DCC: variants seen among roughly 807,000 people sequenced by gnomAD.
The protein encoded by DCC is DCC netrin 1 receptor, also known as netrin receptor DCC.
Under a neutral mutation model 172.5 loss-of-function variants are expected in DCC, and 58 were observed. The observed-to-expected ratio is 0.34, with a 90% CI of 0.27 to 0.42. The LOEUF (loss-of-function observed/expected upper bound fraction) is 0.42, where lower values mean the gene tolerates loss of function less well. DCC is among the 10% of genes least tolerant of loss of function. The probability of loss-of-function intolerance (pLI) is 1.00; values close to 1 mark genes in which losing one functional copy is unlikely to be tolerated. For synonymous variants in DCC, 709 were observed against 644.5 expected, an observed-to-expected ratio of 1.10 and a Z score of -1.52; for missense variants, 1,740 against 1,791.0, an observed-to-expected ratio of 0.97 and a Z score of 0.51.
At chr18:52,580,835 G>A (rs964510946) in intron 1 of DCC, among the ~76,000 whole-genome samples, 1 of 152,122 alleles carries the variant, frequency 6.6e-6, no homozygotes, top group Admixed American at 6.5e-5. Flanking sequence ...TTCAGATGAG[G>A]ACACTAAGCC....
intron 2 of DCC, among the ~76,000 whole-genome samples, chr18:52,903,878 G>A (rs1055027874): frequency 1.3e-5 from 2 of 152,226 alleles, no homozygotes; most frequent in African/African-American, 2.4e-5. Context: ...GTAGATTAAC[G>A]TACTTCTTTG....
chr18:52,482,223 TACTC>T lies in DCC; in HGVS notation c.91+141349_91+141352del, dbSNP rs1220983709. On this transcript the variant is annotated intron_variant, in intron 1 of 28. Coordinates refer to ENST00000442544, the MANE Select transcript of DCC (RefSeq NM_005215.4). ...TGTATCATAATTTTGATTAGAACAA[TACTC>T]ACTATTTACATTACTATGACTCTTC... Among the ~76,000 whole-genome samples, 3 of 152,176 alleles carry T rather than the reference TACTC, an allele frequency of 2.0e-5. No individual in the cohort carries two copies. In the East Asian group the frequency reaches 5.8e-4, roughly 29 times the overall value.
At chr18:52,830,079 T>A (rs2038586260) in intron 2 of DCC, among the ~76,000 whole-genome samples, 1 of 151,966 alleles carries the variant, frequency 6.6e-6, no homozygotes, top group African/African-American at 2.4e-5. Context: ...GCCAGCTGTG[T>A]CTGAGAAATA....
intron 27 of DCC, among the ~76,000 whole-genome samples, chr18:53,525,643 A>T (rs919883030): frequency 2.6e-5 from 4 of 152,064 alleles, no homozygotes; most frequent in African/African-American, 9.7e-5. Context: ...ATTAGCTAGA[A>T]TTTTATTTTC....
intron 1 of DCC, among the ~76,000 whole-genome samples, chr18:52,453,005 G>T (rs144709698): frequency 6.6e-6 from 1 of 152,216 alleles, no homozygotes; most frequent in Non-Finnish European, 1.5e-5. Context: ...TTTGGGTGCA[G>T]CACTGTGTGT....
intron 1 of DCC, among the ~76,000 whole-genome samples, chr18:52,367,093 G>C (rs527269445): frequency 1.3e-5 from 2 of 152,192 alleles, no homozygotes; most frequent in South Asian, 4.1e-4. Flanking sequence ...GCGCAGCGCC[G>C]GTGGGCTGGC....
chr18:53,060,661 A>G (rs1445221823), intron 5 of DCC, among the ~76,000 whole-genome samples: 1 of 152,156 alleles, frequency 6.6e-6, no homozygotes, highest in Admixed American at 6.6e-5. Flanking sequence ...GTTAATCAGA[A>G]ATCACTCTAT....
At chr18:53,526,531 A>G (rs2046457342) in intron 27 of DCC, 86 bp from the exon 28 acceptor site, 8 of 1,385,470 alleles carry the variant, frequency 5.8e-6, no homozygotes, top group African/African-American at 4.3e-5. Flanking sequence ...ATCAATGCCA[A>G]TCTCCTGGAT....
At chr18:53,246,373 A>G (rs2056365097) in intron 12 of DCC, among the ~76,000 whole-genome samples, 1 of 152,050 alleles carries the variant, frequency 6.6e-6, no homozygotes, top group Non-Finnish European at 1.5e-5. Flanking sequence ...ACATATTAAA[A>G]TATTCAGCTA....
At chr18:53,263,524 T>C (rs2056630474) in intron 12 of DCC, among the ~76,000 whole-genome samples, 1 of 152,148 alleles carries the variant, frequency 6.6e-6, no homozygotes, top group Admixed American at 6.5e-5. Context: ...TTTAGAAAAA[T>C]AAAATTTTAT....
intron 12 of DCC, among the ~76,000 whole-genome samples, chr18:53,278,184 A>G (rs151292233): frequency 4.1e-4 from 63 of 151,860 alleles, no homozygotes; most frequent in African/African-American, 1.4e-3. Context: ...AAAAAATCTG[A>G]ATAATTAACC....
At chr18:53,277,306 C>A (rs1293703395) in intron 12 of DCC, among the ~76,000 whole-genome samples, 1 of 152,038 alleles carries the variant, frequency 6.6e-6, no homozygotes, top group African/African-American at 2.4e-5. Flanking sequence ...CTCATCTCTA[C>A]TAAAAATACA....
At chr18:53,315,938 C>T (rs1389400075) in intron 13 of DCC, among the ~76,000 whole-genome samples, 3 of 152,054 alleles carry the variant, frequency 2.0e-5, no homozygotes, top group Non-Finnish European at 2.9e-5. Context: ...TCTGATAATA[C>T]TTTCTTTTGC....
intron 1 of DCC, among the ~76,000 whole-genome samples, chr18:52,482,692 G>T (rs747446361): frequency 6.6e-6 from 1 of 152,012 alleles, no homozygotes; most frequent in Non-Finnish European, 1.5e-5. Context: ...TCACATTTGG[G>T]GTAGAATTTC....
At chr18:53,351,428 A>ATATATATATATACACTG (rs1568075340) in intron 15 of DCC, among the ~76,000 whole-genome samples, 15 of 39,120 alleles carry the variant, frequency 3.8e-4, no homozygotes, top group Non-Finnish European at 7.2e-4. Context: ...CACACTGTGT[A>ATATATATATATACACTG]TATATATATA....
intron 5 of DCC, among the ~76,000 whole-genome samples, chr18:53,048,448 A>T (rs926585724): frequency 6.0e-5 from 9 of 149,892 alleles, no homozygotes; most frequent in African/African-American, 2.2e-4. Context: ...GCTTTAGAGG[A>T]CATGATCTCA....
At chr18:52,547,188 C>T (rs1434580679) in intron 1 of DCC, among the ~76,000 whole-genome samples, 1 of 152,192 alleles carries the variant, frequency 6.6e-6, no homozygotes, top group Non-Finnish European at 1.5e-5. Flanking sequence ...CATCCAATTG[C>T]AGGCACAAAC....
At chr18:53,147,984 T>C (rs2043941228) in intron 7 of DCC, among the ~76,000 whole-genome samples, 1 of 152,204 alleles carries the variant, frequency 6.6e-6, no homozygotes, top group South Asian at 2.1e-4. Flanking sequence ...TCTTCTTACT[T>C]AAGTTGTATT....
intron 12 of DCC, among the ~76,000 whole-genome samples, chr18:53,290,063 C>A (rs73463061): frequency 6.6e-6 from 1 of 152,254 alleles, no homozygotes; most frequent in Admixed American, 6.5e-5. Context: ...TTTGTGAAAG[C>A]ATTGTATATG....
Sources: allele counts gnomAD v4.1 joint callset (sites outside exome capture counted in the v4.1 genomes callset), GRCh38; gene constraint gnomAD v4.1.1; transcripts MANE v1.5; gene names NCBI Gene and HGNC (gene_info 2026-07-23, HGNC 2026-07-21).